Variants in GUCY1A2 observed in about 807,000 individuals in gnomAD.
GUCY1A2 encodes guanylate cyclase 1 soluble subunit alpha 2.
Under a neutral mutation model 63.5 loss-of-function variants are expected in GUCY1A2, and 27 were observed. The observed-to-expected ratio is 0.43, with a 90% CI of 0.31 to 0.59. The LOEUF (loss-of-function observed/expected upper bound fraction) is 0.59, where lower values mean the gene tolerates loss of function less well. GUCY1A2 is among the 20% of genes least tolerant of loss of function. The pLI is 0.11. For synonymous variants in GUCY1A2, 364 were observed against 343.5 expected (o/e 1.06, Z -0.66); for missense variants, 768 against 913.3 (o/e 0.84, Z 2.05).
In GUCY1A2 at chr11:106,936,045, T is replaced by A. The variant is rs151322232; in HGVS notation, c.1206+3415A>T. On this transcript the variant is annotated intron_variant, in intron 4 of 7. Transcript: ENST00000526355. ...ATCATGGCTGTCAGAGACACCTCTC[T>A]CCCAGCCTGTTGATACTTTCACCAC... Among the ~76,000 whole-genome samples, 870 of 152,238 alleles carry A rather than the reference T, an allele frequency of 5.7e-3. 4 individuals carry two copies. Among genetic ancestry groups the A allele is most frequent in the African/African-American group, 0.02 (839 of 41,542 alleles).
rs998137152 is a variant in GUCY1A2, at chr11:106,680,208, G to C, written c.*7341C>G. 1 of 213,060 alleles carries C rather than the reference G, an allele frequency of 4.7e-6. No homozygotes were observed. Among genetic ancestry groups the C allele is most frequent in the African/African-American group, 2.3e-5 (1 of 44,200 alleles). 13.2% of individuals were successfully genotyped at this position (213,060 alleles called of 1,614,324 possible). A position where few individuals can be genotyped will look rare whatever the true frequency, so the allele number is the denominator to read the frequency against. On this transcript the variant is annotated 3_prime_UTR_variant, in exon 8 of 8. Coordinates refer to ENST00000526355, the MANE Select transcript of GUCY1A2 (RefSeq NM_000855.3). ...ATGCCAGGCAGCAGAATGCAAAGAA[G>C]TGTCTTCAGAAAGTGAGGTATGAAG...
At chr11:106,794,058 C>T (rs1034504551) in intron 5 of GUCY1A2, among the ~76,000 whole-genome samples, 2 of 152,078 alleles carry the variant, frequency 1.3e-5, no homozygotes, top group Non-Finnish European at 2.9e-5. Context: ...ATGTTCATTG[C>T]AGCATTATTC....
At position 106,948,475 on chromosome 11, in the gene GUCY1A2, C is replaced by A. The variant is rs185448833; in HGVS notation, c.488-8297G>T. ...ATTCTGAAAAGTGTGAGATTCAAGT[C>A]TTAATAAGCATTTTGAATAAAATAA... On this transcript the variant is annotated intron_variant, in intron 3 of 7. Coordinates refer to ENST00000526355, the MANE Select transcript of GUCY1A2 (RefSeq NM_000855.3). Among the ~76,000 whole-genome samples the A allele has an allele frequency of 2.9e-3, 438 of 152,076 alleles. 15 individuals are homozygous for A. Among genetic ancestry groups the A allele is most frequent in the East Asian group, 1.9e-3 (10 of 5,176 alleles).
chr11:106,710,040 T>C lies in GUCY1A2; in HGVS notation c.1837-1374A>G, dbSNP rs867448849. On this transcript the variant is annotated intron_variant, in intron 6 of 7. Coordinates refer to ENST00000526355, the MANE Select transcript of GUCY1A2 (RefSeq NM_000855.3). Reference sequence around the variant, plus strand: ...ATATATTATATACATGTATAAAGTATATAGTTATATATAATATATACATGT... The same window carrying C: ...ATATATTATATACATGTATAAAGTACATAGTTATATATAATATATACATGT... Among the ~76,000 whole-genome samples the C allele has an allele frequency of 6.6e-3, 337 of 50,876 alleles. 7 individuals are homozygous for C. Among genetic ancestry groups the C allele is most frequent in the African/African-American group, 0.022 (324 of 15,042 alleles). The allele number at this position is 50,876 out of a possible 152,430, so 33.4% of individuals were successfully genotyped here.
At chr11:106,921,423 T>C (rs1565332350) in intron 4 of GUCY1A2, among the ~76,000 whole-genome samples, 1 of 152,036 alleles carries the variant, frequency 6.6e-6, no homozygotes, top group Non-Finnish European at 1.5e-5. Flanking sequence ...GCTTCAAAAA[T>C]GATTAAAGGA....
Position 106,809,976 on chromosome 11 carries a change from TA to T in GUCY1A2, c.1692+16del. On this transcript the variant is annotated intron_variant, in intron 5 of 7. Transcript: ENST00000526355. ...CTATTAAAAAACATTTATATGTAAG[TA>T]ACTAAACTCCCTTACCTTATAAATA... 1 of 1,497,884 alleles carries T rather than the reference TA, an allele frequency of 6.7e-7. No homozygotes were observed. The allele number at this position is 1,497,884 out of a possible 1,614,324, so 92.8% of individuals were successfully genotyped here.
chr11:107,010,216 C>A (rs1861724709), intron 1 of GUCY1A2, among the ~76,000 whole-genome samples: 1 of 152,158 alleles, frequency 6.6e-6, no homozygotes. Flanking sequence ...CTCTAGCCCT[C>A]AATGTTATGA....
intron 6 of GUCY1A2, among the ~76,000 whole-genome samples, chr11:106,715,997 CTT>C (rs1281481341): frequency 1.3e-5 from 2 of 152,202 alleles, no homozygotes; most frequent in Non-Finnish European, 2.9e-5. Context: ...AGAAAATACT[CTT>C]TGAGCTCAAT....
intron 4 of GUCY1A2, among the ~76,000 whole-genome samples, chr11:106,857,220 A>AG (rs1859449024): frequency 6.6e-6 from 1 of 152,172 alleles, no homozygotes; most frequent in African/African-American, 2.4e-5. Flanking sequence ...GGGTGCCAGA[A>AG]GGGTCGAGTT....
chr11:106,972,587 C>A (rs1444716674), intron 3 of GUCY1A2, among the ~76,000 whole-genome samples: 4 of 151,962 alleles, frequency 2.6e-5, no homozygotes, highest in African/African-American at 9.7e-5. Flanking sequence ...CCATGTTCTT[C>A]CAGCAAAAAA....
intron 6 of GUCY1A2, among the ~76,000 whole-genome samples, chr11:106,738,618 A>C (rs915117457): frequency 2.0e-5 from 3 of 152,194 alleles, no homozygotes; most frequent in African/African-American, 7.2e-5. Context: ...ATGGCTAGCC[A>C]GTTTTCCCAA....
intron 4 of GUCY1A2, among the ~76,000 whole-genome samples, chr11:106,910,313 T>C (rs1303014226): frequency 6.6e-6 from 1 of 151,968 alleles, no homozygotes; most frequent in African/African-American, 2.4e-5. Context: ...GGGCCAAAAA[T>C]ACAACAATAT....
intron 6 of GUCY1A2, among the ~76,000 whole-genome samples, chr11:106,716,576 C>G (rs566131840): frequency 1.3e-5 from 2 of 151,954 alleles, no homozygotes; most frequent in South Asian, 4.2e-4. Flanking sequence ...GGAACAGACC[C>G]AAACTGGCAA....
At chr11:106,734,501 C>A (rs995538489) in intron 6 of GUCY1A2, among the ~76,000 whole-genome samples, 3 of 151,976 alleles carry the variant, frequency 2.0e-5, no homozygotes, top group African/African-American at 7.2e-5. Context: ...ATTTTGTGTA[C>A]CACCAGGAAA....
In GUCY1A2 at chr11:106,998,999, T is replaced by A. The variant is rs17575620; in HGVS notation, c.304-12868A>T. 7.6e-3 allele frequency among the ~76,000 whole-genome samples: 1,162 copies of A among 152,268 alleles called. 4 individuals are homozygous for A. Among genetic ancestry groups the A allele is most frequent in the Non-Finnish European group, 0.012 (822 of 68,012 alleles). On this transcript the variant is annotated intron_variant, in intron 1 of 7. Coordinates refer to ENST00000526355, the MANE Select transcript of GUCY1A2 (RefSeq NM_000855.3). ...CAGAAGCATCACTGCTATATAGTCA[T>A]CACTACGTGGCAGAGTCTTGTGGGG...
chr11:106,969,486 A>C (rs1227331665), intron 3 of GUCY1A2, among the ~76,000 whole-genome samples: 1 of 152,188 alleles, frequency 6.6e-6, no homozygotes, highest in Non-Finnish European at 1.5e-5. Flanking sequence ...ACTTAACAAA[A>C]GTCTTCTAAC....
At chr11:106,732,909 T>A (rs1863528579) in intron 6 of GUCY1A2, among the ~76,000 whole-genome samples, 1 of 152,154 alleles carries the variant, frequency 6.6e-6, no homozygotes, top group African/African-American at 2.4e-5. Flanking sequence ...AACAATAGCC[T>A]TACTTTCCCT....
Position 106,817,897 on chromosome 11 carries a change from G to A in GUCY1A2, c.1207-7419C>T, listed in dbSNP as rs1272216497. The stretch of plus-strand genomic sequence containing the variant: ...GAACCCCTGTACACTGTTGGTGGGA[G>A]TGGAAATTAGTACAGCCATGATGAC... On this transcript the variant is annotated intron_variant, in intron 4 of 7. Transcript: ENST00000526355. 3.3e-5 allele frequency among the ~76,000 whole-genome samples: 5 copies of A among 152,094 alleles called. No homozygotes were observed. The East Asian group carries it at 5.8e-4, about 18-fold the overall frequency.
At position 106,686,252 on chromosome 11, in the gene GUCY1A2, C is replaced by T. The variant is rs1862524434; in HGVS notation, c.*1297G>A. ...GTATTGATTAATGAGAACAGGTCTT[C>T]ATTTGAGCAGGACATGCGATGGAAT... On this transcript the variant is annotated 3_prime_UTR_variant, in exon 8 of 8. Coordinates refer to ENST00000526355, the MANE Select transcript of GUCY1A2 (RefSeq NM_000855.3). 5 of 218,728 alleles carry T rather than the reference C, an allele frequency of 2.3e-5. No homozygotes were observed. Among genetic ancestry groups the T allele is most frequent in the Admixed American group, 5.8e-5 (1 of 17,268 alleles). The allele number at this position is 218,728 out of a possible 1,614,324, so 13.5% of individuals were successfully genotyped here.
Sources: allele counts gnomAD v4.1 joint callset (sites outside exome capture counted in the v4.1 genomes callset), GRCh38; gene constraint gnomAD v4.1.1; transcripts MANE v1.5; gene names NCBI Gene and HGNC (gene_info 2026-07-23, HGNC 2026-07-21).